ESF1: variants seen among roughly 807,000 people sequenced by gnomAD.
The protein encoded by ESF1 is ESF1 nucleolar pre-rRNA processing protein.
A neutral mutation model predicts 92.0 loss-of-function variants in ESF1; 58 were observed. The observed-to-expected ratio is 0.63, with a 90% CI of 0.51 to 0.78. The LOEUF (loss-of-function observed/expected upper bound fraction) is 0.78, where lower values mean the gene tolerates loss of function less well. ESF1 is among the 30% of genes least tolerant of loss of function. The pLI is 0.00. For synonymous variants in ESF1, 321 were observed against 313.7 expected, an observed-to-expected ratio of 1.02 and a Z score of -0.24; for missense variants, 922 against 989.1, an observed-to-expected ratio of 0.93 and a Z score of 0.91.
chr20:13,780,907 C>T (rs1209848408), intron 2 of ESF1, among the ~76,000 whole-genome samples: 1 of 152,210 alleles, frequency 6.6e-6, no homozygotes, highest in Non-Finnish European at 1.5e-5. Context: ...CATTTTGGCC[C>T]TTCAAGACCT....
At chr20:13,766,702 C>T (rs1423541601) in intron 8 of ESF1, 75 bp downstream of exon 8, 7 of 1,449,804 alleles carry the variant, frequency 4.8e-6, no homozygotes, top group Admixed American at 3.7e-5. Context: ...TATCTGCAGA[C>T]AGAATTTGGC....
At chr20:13,751,153 G>C (rs924714526) in intron 9 of ESF1, among the ~76,000 whole-genome samples, 1 of 152,154 alleles carries the variant, frequency 6.6e-6, no homozygotes, top group East Asian at 1.9e-4. Flanking sequence ...ACTGATGAAA[G>C]CAAGTAGTAT....
At chr20:13,716,030 G>C (rs986699132) in intron 13 of ESF1, among the ~76,000 whole-genome samples, 3 of 152,150 alleles carry the variant, frequency 2.0e-5, no homozygotes, top group Admixed American at 6.6e-5. Flanking sequence ...ACTGGAATGG[G>C]AGCATATGTG....
intron 9 of ESF1, among the ~76,000 whole-genome samples, chr20:13,745,369 T>C (rs1320637508): frequency 6.6e-6 from 1 of 152,224 alleles, no homozygotes; most frequent in Non-Finnish European, 1.5e-5. Context: ...AGTTATACAA[T>C]GGAATTCTCT....
intron 11 of ESF1, among the ~76,000 whole-genome samples, chr20:13,721,954 A>C (rs1340985023): frequency 6.6e-6 from 1 of 152,132 alleles, no homozygotes; most frequent in Non-Finnish European, 1.5e-5. Flanking sequence ...TCAAGGTTCC[A>C]CTTGCTTAGG....
intron 9 of ESF1, among the ~76,000 whole-genome samples, chr20:13,744,593 G>A (rs2050036030): frequency 1.3e-5 from 2 of 152,178 alleles, no homozygotes; most frequent in South Asian, 4.1e-4. Flanking sequence ...GGCTAACTGT[G>A]TTCCAGCCAC....
At chr20:13,767,383 T>C (rs142942018) in intron 7 of ESF1, among the ~76,000 whole-genome samples, 296 of 152,024 alleles carry the variant, frequency 1.9e-3, no homozygotes, top group Non-Finnish European at 3.2e-3. Context: ...TAGCTGGGCG[T>C]GGTAGCAGGT....
intron 9 of ESF1, among the ~76,000 whole-genome samples, chr20:13,758,155 G>T (rs1432613093): frequency 6.6e-6 from 1 of 152,088 alleles, no homozygotes; most frequent in Non-Finnish European, 1.5e-5. Flanking sequence ...ATATTATTAC[G>T]TTAAAATCTA....
intron 11 of ESF1, among the ~76,000 whole-genome samples, chr20:13,724,252 G>A (rs13044724): frequency 0.073 from 11,072 of 152,108 alleles, 438 homozygotes; most frequent in Non-Finnish European, 0.087. Flanking sequence ...CAGATACTAC[G>A]CCACTGCACT....
At chr20:13,770,070 CCA>C (rs763426239) in intron 6 of ESF1, 49 bp from the exon 7 acceptor site, 10 of 1,072,252 alleles carry the variant, frequency 9.3e-6, no homozygotes, top group Admixed American at 4.2e-5. Flanking sequence ...GCAGTGATAA[CCA>C]CAGTTTAGAT....
intron 9 of ESF1, among the ~76,000 whole-genome samples, chr20:13,739,650 A>C (rs574374889): frequency 6.6e-6 from 1 of 152,258 alleles, no homozygotes; most frequent in African/African-American, 2.4e-5. Flanking sequence ...ACAAGGTCAA[A>C]AATAAATGAA....
At chr20:13,765,178 G>T (rs577775375) in intron 8 of ESF1, among the ~76,000 whole-genome samples, 8 of 152,122 alleles carry the variant, frequency 5.3e-5, no homozygotes, top group Non-Finnish European at 1.0e-4. Context: ...AGCCCAGATT[G>T]TACCACTACA....
intron 2 of ESF1, 152 bp downstream of exon 2, chr20:13,782,352 G>T: frequency 1.6e-6 from 1 of 623,358 alleles, no homozygotes; most frequent in Non-Finnish European, 2.5e-6. Context: ...AATAATCACT[G>T]CATATTTCTT....
At chr20:13,747,058 G>C (rs2050054311) in intron 9 of ESF1, among the ~76,000 whole-genome samples, 1 of 152,144 alleles carries the variant, frequency 6.6e-6, no homozygotes. Context: ...TAGGGGCTCT[G>C]GTGGGCCTAA....
Position 13,722,866 on chromosome 20 carries a change from A to AG in ESF1, c.2039-3883_2039-3882insC, listed in dbSNP as rs1472111502. Among the ~76,000 whole-genome samples, 3 of 151,248 alleles carry AG rather than the reference A, an allele frequency of 2.0e-5. No homozygotes were observed. In the East Asian group the frequency reaches 5.8e-4, roughly 29 times the overall value. ...GCAAAATGCTGTCAAAAAAAGAAGA[A>AG]AAAAAAAAGAAACTACATCTCCTGG... On this transcript the variant is annotated intron_variant, in intron 11 of 13. Coordinates refer to ENST00000617257, the MANE Select transcript of ESF1 (RefSeq NM_001276380.2).
intron 9 of ESF1, among the ~76,000 whole-genome samples, chr20:13,748,164 T>C (rs144828227): frequency 6.6e-6 from 1 of 152,334 alleles, no homozygotes; most frequent in East Asian, 1.9e-4. Context: ...TATAAAGCTC[T>C]ATTTCTATTC....
chr20:13,734,866 G>C (rs2049966302), intron 9 of ESF1, among the ~76,000 whole-genome samples: 1 of 152,050 alleles, frequency 6.6e-6, no homozygotes, highest in African/African-American at 2.4e-5. Flanking sequence ...CTCTTTTGTT[G>C]ATGAGTATAT....
At chr20:13,751,464 T>A (rs1978631406) in intron 9 of ESF1, among the ~76,000 whole-genome samples, 1 of 152,202 alleles carries the variant, frequency 6.6e-6, no homozygotes, top group Non-Finnish European at 1.5e-5. Flanking sequence ...AAACGGTGGC[T>A]ACACATGCAA....
At chr20:13,778,786 C>A (rs140113800) in intron 2 of ESF1, among the ~76,000 whole-genome samples, 1,910 of 152,224 alleles carry the variant, frequency 0.013, 12 homozygotes, top group Non-Finnish European at 0.018. Flanking sequence ...GCTGCTCACG[C>A]CTGTAATCCC....
Sources: gnomAD v4.1 joint callset for allele counts (sites outside exome capture counted in the v4.1 genomes callset) on GRCh38, gnomAD v4.1.1 for gene constraint, MANE v1.5 for transcripts, NCBI Gene and HGNC (gene_info 2026-07-23, HGNC 2026-07-21) for gene names.